The following DDAH1 variants were observed in gnomAD, a reference collection of about 807,000 sequenced individuals.
The protein encoded by DDAH1 is N(G),N(G)-dimethylarginine dimethylaminohydrolase 1.
In DDAH1, 19 loss-of-function variants were observed where a neutral mutation model predicts 28.8. The ratio of observed to expected loss-of-function variants is 0.66; its 90% CI spans 0.46 to 0.97. DDAH1 has a LOEUF of 0.97. Ranked by LOEUF, DDAH1 falls within the 50% of genes least tolerant of loss-of-function variation. DDAH1 has a pLI of 0.00. For missense variants in DDAH1, 326 were observed against 375.9 expected, an observed-to-expected ratio of 0.87 and a Z score of 1.10; for synonymous variants, 153 against 154.4, an observed-to-expected ratio of 0.99 and a Z score of 0.07.
intron 1 of DDAH1, among the ~76,000 whole-genome samples, chr1:85,511,961 T>C (rs1050059420): frequency 3.3e-5 from 5 of 152,050 alleles, no homozygotes; most frequent in Non-Finnish European, 7.4e-5. Flanking sequence ...ACTATTCCAA[T>C]CAATAGAAAA....
chr1:85,466,962 C>T (rs1042673954), upstream of DDAH1, among the ~76,000 whole-genome samples: 6 of 150,802 alleles, frequency 4.0e-5, no homozygotes, highest in South Asian at 1.0e-3. Flanking sequence ...CTCGGCCTCC[C>T]GAGTAGCTGG....
At chr1:85,321,880 C>G (rs1305002430) in intron 5 of DDAH1, among the ~76,000 whole-genome samples, 1 of 152,142 alleles carries the variant, frequency 6.6e-6, no homozygotes, top group Non-Finnish European at 1.5e-5. Flanking sequence ...ATGTGTCAGT[C>G]TGAATATTAC....
intron 1 of DDAH1, among the ~76,000 whole-genome samples, chr1:85,540,325 G>T (rs1262370195): frequency 6.6e-6 from 1 of 151,920 alleles, no homozygotes; most frequent in Non-Finnish European, 1.5e-5. Context: ...GTTGATTTCT[G>T]CTGTGCCTGG....
chr1:85,336,459 A>T (rs551344808), intron 4 of DDAH1, among the ~76,000 whole-genome samples: 1 of 152,254 alleles, frequency 6.6e-6, no homozygotes, highest in South Asian at 2.1e-4. Flanking sequence ...GAAGAAATTA[A>T]GAAAGAAAGA....
At chr1:85,420,773 TA>T (rs1335203488) in intron 1 of DDAH1, among the ~76,000 whole-genome samples, 2 of 152,236 alleles carry the variant, frequency 1.3e-5, no homozygotes, top group African/African-American at 2.4e-5. Flanking sequence ...GCCTGTTACC[TA>T]ATTCCACATT....
intron 1 of DDAH1, among the ~76,000 whole-genome samples, chr1:85,412,671 G>C (rs1167221509): frequency 6.6e-6 from 1 of 152,174 alleles, no homozygotes; most frequent in Non-Finnish European, 1.5e-5. Context: ...AGAATGATGA[G>C]AACTGGTCTA....
chr1:85,334,519 G>A (rs1271369865), intron 4 of DDAH1, among the ~76,000 whole-genome samples: 1 of 152,292 alleles, frequency 6.6e-6, no homozygotes, highest in East Asian at 1.9e-4. Flanking sequence ...TGGTCATGGG[G>A]GCAGATTTCC....
At chr1:85,553,337 A>G (rs1383591295) in intron 1 of DDAH1, among the ~76,000 whole-genome samples, 2 of 152,238 alleles carry the variant, frequency 1.3e-5, no homozygotes, top group African/African-American at 4.8e-5. Flanking sequence ...CACAGCAGTA[A>G]ATACTGGAAA....
At chr1:85,335,028 A>T (rs1403980477) in intron 4 of DDAH1, among the ~76,000 whole-genome samples, 1 of 152,172 alleles carries the variant, frequency 6.6e-6, no homozygotes, top group Non-Finnish European at 1.5e-5. Context: ...CCTCCAAGAA[A>T]TGCTTGAGGA....
At chr1:85,491,885 AC>A (rs1394530943) in intron 2 of DDAH1, among the ~76,000 whole-genome samples, 1 of 152,104 alleles carries the variant, frequency 6.6e-6, no homozygotes, top group African/African-American at 2.4e-5. Context: ...AGGTGACCTA[AC>A]CCCCTATACT....
At chr1:85,332,171 A>G (rs1473435252) in intron 4 of DDAH1, among the ~76,000 whole-genome samples, 1 of 152,056 alleles carries the variant, frequency 6.6e-6, no homozygotes, top group African/African-American at 2.4e-5. Flanking sequence ...TAGAAAGCCC[A>G]TTTCCCACCA....
At chr1:85,479,551 C>G (rs748718115) in intron 2 of DDAH1, among the ~76,000 whole-genome samples, 2 of 152,210 alleles carry the variant, frequency 1.3e-5, no homozygotes, top group Admixed American at 1.3e-4. Flanking sequence ...AATATTACCA[C>G]AATCGGGGTT....
chr1:85,456,828 T>C (rs1218017987), intron 1 of DDAH1, among the ~76,000 whole-genome samples: 1 of 152,132 alleles, frequency 6.6e-6, no homozygotes, highest in Non-Finnish European at 1.5e-5. Flanking sequence ...GCAAAGAATA[T>C]ACTGATAACT....
Position 85,464,601 on chromosome 1 carries a change from C to T in DDAH1, c.303+142G>A. On this transcript the variant is annotated intron_variant, in intron 1 of 5. Coordinates refer to ENST00000284031, the MANE Select transcript of DDAH1 (RefSeq NM_012137.4). The surrounding 1 kb of genome is among the most constrained non-coding windows in gnomAD (Gnocchi z 4.4). ...TCTCTGACTCTCTGACACACACACA[C>T]ACACACACACTCGCCCCCCGACGGG... 7 of 1,526,800 alleles carry T rather than the reference C, an allele frequency of 4.6e-6. No individual in the cohort carries two copies. The highest frequency in any genetic ancestry group is 6.1e-6 in the Non-Finnish European group (7 of 1,141,362). 94.6% of individuals were successfully genotyped at this position (1,526,800 alleles called of 1,614,324 possible).
At chr1:85,453,891 C>T (rs914491875) in intron 1 of DDAH1, among the ~76,000 whole-genome samples, 2 of 152,156 alleles carry the variant, frequency 1.3e-5, no homozygotes, top group African/African-American at 4.8e-5. Context: ...ATGACATGAA[C>T]ATTATAATCA....
chr1:85,352,453 C>T (rs1302084568), intron 2 of DDAH1, among the ~76,000 whole-genome samples: 1 of 152,114 alleles, frequency 6.6e-6, no homozygotes, highest in Non-Finnish European at 1.5e-5. Flanking sequence ...TACAAATGTA[C>T]AACAATAAAT....
chr1:85,500,076 C>T (rs1240764), intron 1 of DDAH1, among the ~76,000 whole-genome samples: 52,334 of 146,432 alleles, frequency 0.36, 9,929 homozygotes, highest in Non-Finnish European at 0.44. Context: ...TCTTTTCTTT[C>T]CTTTCCTTCC....
intron 4 of DDAH1, among the ~76,000 whole-genome samples, chr1:85,332,089 A>C (rs562070506): frequency 2.2e-4 from 33 of 152,194 alleles, no homozygotes; most frequent in Non-Finnish European, 4.6e-4. Context: ...TCCGTGTGGC[A>C]GCATTGCTCC....
At chr1:85,390,479 A>T (rs1651495137) in intron 1 of DDAH1, among the ~76,000 whole-genome samples, 1 of 152,190 alleles carries the variant, frequency 6.6e-6, no homozygotes, top group Admixed American at 6.5e-5. Context: ...CAGGAAAGGG[A>T]AGGGGGAAGG....
Sources: allele counts gnomAD v4.1 joint callset (sites outside exome capture counted in the v4.1 genomes callset), GRCh38; gene constraint gnomAD v4.1.1; non-coding constraint Gnocchi (gnomAD v3.1); transcripts MANE v1.5; gene names NCBI Gene and HGNC (gene_info 2026-07-23, HGNC 2026-07-21).